LRRC74A: variants seen among roughly 807,000 people sequenced by gnomAD.
The protein encoded by LRRC74A is leucine rich repeat containing 74A, also known as leucine-rich repeat-containing protein 74A.
LRRC74A carries 44 observed loss-of-function variants against 57.9 expected under a neutral mutation model. The ratio of observed to expected loss-of-function variants is 0.76; its 90% CI spans 0.60 to 0.98. The LOEUF is 0.98. Ranked by LOEUF, LRRC74A falls within the 50% of genes least tolerant of loss-of-function variation. The pLI, the probability that LRRC74A is intolerant of heterozygous loss-of-function variation, is 0.00. For synonymous variants in LRRC74A, 211 were observed against 219.4 expected, an observed-to-expected ratio of 0.96 and a Z score of 0.34; for missense variants, 572 against 574.0, an observed-to-expected ratio of 1.00 and a Z score of 0.04.
chr14:76,829,242 G>A, intron 2 of LRRC74A: 1 of 1,244,744 alleles, frequency 8.0e-7, no homozygotes, highest in East Asian at 5.6e-5. Flanking sequence ...CTGGTGGGCA[G>A]TGATTCACAG....
chr14:76,863,594 T>C (rs1898502667), intron 11 of LRRC74A, among the ~76,000 whole-genome samples: 1 of 152,218 alleles, frequency 6.6e-6, no homozygotes, highest in Non-Finnish European at 1.5e-5. Context: ...GCCCTTGGCT[T>C]CACCCTTGCA....
chr14:76,844,065 C>G (rs1383924774), intron 5 of LRRC74A, among the ~76,000 whole-genome samples: 2 of 152,208 alleles, frequency 1.3e-5, no homozygotes, highest in Admixed American at 6.5e-5. Flanking sequence ...GTGGCACCAA[C>G]ATGGCACACT....
At position 76,853,425 on chromosome 14, in the gene LRRC74A, G is replaced by C; in HGVS notation, c.957+15G>C. 1 of 1,553,822 alleles carries C rather than the reference G, an allele frequency of 6.4e-7. No homozygotes were observed. ...GAGTTCTGAAGGTAGTCTTCAGCTG[G>C]AAAGGGTGTGTGTGTGTGTGTGTGT... On this transcript the variant is annotated intron_variant, in intron 9 of 13. Transcript: ENST00000689127.
chr14:76,870,228 G>A lies in LRRC74A; in HGVS notation c.*79G>A, dbSNP rs1314416866. On this transcript the variant is annotated 3_prime_UTR_variant, in exon 14 of 14. Coordinates refer to ENST00000689127, the MANE Select transcript of LRRC74A (RefSeq NM_001385106.1). ...ATGGTGGCAGGGAGGAGAGCAAGAG[G>A]TGGCTGAAATCTCGATGGACAGATG... 1 of 1,479,964 alleles carries A rather than the reference G, an allele frequency of 6.8e-7. No homozygotes were observed. The highest frequency in any genetic ancestry group is 9.3e-7 in the Non-Finnish European group (1 of 1,076,872). 91.7% of individuals were successfully genotyped at this position (1,479,964 alleles called of 1,614,324 possible). A position where few individuals can be genotyped will look rare whatever the true frequency, so the allele number is the denominator to read the frequency against.
intron 7 of LRRC74A, among the ~76,000 whole-genome samples, chr14:76,845,130 C>T (rs12897081): frequency 0.09 from 13,731 of 152,156 alleles, 703 homozygotes; most frequent in African/African-American, 0.11. Flanking sequence ...TCAAGATCAC[C>T]CTGGGCAACA....
At chr14:76,838,617 T>C (rs909469127) in intron 5 of LRRC74A, among the ~76,000 whole-genome samples, 2 of 152,206 alleles carry the variant, frequency 1.3e-5, no homozygotes. Flanking sequence ...CCTGAATTGA[T>C]AAATGTGCAG....
At position 76,867,341 on chromosome 14, in the gene LRRC74A, C is replaced by T. The variant is rs1237436098; in HGVS notation, c.1309-15C>T. 2 of 1,405,660 alleles carry T rather than the reference C, an allele frequency of 1.4e-6. No individual in the cohort carries two copies. Among genetic ancestry groups the T allele is most frequent in the Admixed American group, 1.7e-5 (1 of 58,972 alleles). 87.1% of individuals were successfully genotyped at this position (1,405,660 alleles called of 1,614,324 possible). ...AGAGTTCTATTAACTGCACATGTTC[C>T]ATCCACCTCCTCAGCAAAACAAGGT... On this transcript the variant is annotated splice_polypyrimidine_tract_variant and intron_variant, in intron 12 of 13. Transcript: ENST00000689127.
intron 2 of LRRC74A, among the ~76,000 whole-genome samples, chr14:76,829,394 C>A (rs1332001023): frequency 6.6e-6 from 1 of 152,218 alleles, no homozygotes; most frequent in Non-Finnish European, 1.5e-5. Context: ...CCCCGCTGAC[C>A]CCCAGGCAGC....
intron 11 of LRRC74A, among the ~76,000 whole-genome samples, chr14:76,861,593 T>G (rs1423309373): frequency 6.6e-6 from 1 of 152,202 alleles, no homozygotes; most frequent in East Asian, 1.9e-4. Context: ...TGCCCCCAAC[T>G]CATCTTTTCT....
chr14:76,867,219 T>TTGGGGGG (rs1898978679), intron 12 of LRRC74A, 137 bp from the exon 13 acceptor site: 1 of 308,144 alleles, frequency 3.2e-6, no homozygotes, highest in Non-Finnish European at 5.9e-6. Context: ...GGTGTGTGTG[T>TTGGGGGG]GTGTGGTAGT....
chr14:76,865,794 G>T (rs552537374), intron 11 of LRRC74A, among the ~76,000 whole-genome samples, 174 bp from the exon 12 acceptor site: 1 of 152,226 alleles, frequency 6.6e-6, no homozygotes, highest in Non-Finnish European at 1.5e-5. Flanking sequence ...TCGGCTCTTG[G>T]TCTTAGGGGA....
At chr14:76,858,284 C>CT (rs761630930) in intron 10 of LRRC74A, among the ~76,000 whole-genome samples, 71 of 152,178 alleles carry the variant, frequency 4.7e-4, no homozygotes, top group Non-Finnish European at 8.1e-4. Flanking sequence ...TTCCTGACCT[C>CT]TCCCCTGGCT....
chr14:76,826,625 A>C lies in LRRC74A; in HGVS notation c.-73A>C. Reference sequence around the variant, plus strand: ...GAGTTTGAGACAGAGGTGAATGGACAGGTGTGCTTCTTAGGGAAGCAGTCG... The same window carrying C: ...GAGTTTGAGACAGAGGTGAATGGACCGGTGTGCTTCTTAGGGAAGCAGTCG... On this transcript the variant is annotated 5_prime_UTR_variant, in exon 1 of 14. Coordinates refer to ENST00000689127, the MANE Select transcript of LRRC74A (RefSeq NM_001385106.1). The C allele has an allele frequency of 6.2e-7, 1 of 1,611,310 alleles. No homozygotes were observed. The highest frequency in any genetic ancestry group is 8.5e-7 in the Non-Finnish European group (1 of 1,178,754).
chr14:76,852,571 C>A, intron 8 of LRRC74A, 121 bp downstream of exon 8: 15 of 562,250 alleles, frequency 2.7e-5, no homozygotes, highest in Admixed American at 7.3e-5. Flanking sequence ...GGGCTCTCAT[C>A]AAATACTTTT....
At chr14:76,867,168 T>G (rs1898959897) in intron 12 of LRRC74A, among the ~76,000 whole-genome samples, 188 bp from the exon 13 acceptor site, 2 of 9,172 alleles carry the variant, frequency 2.2e-4, no homozygotes, top group African/African-American at 4.0e-4. Context: ...GGGTGGGGTG[T>G]GTGGTAGTGT....
intron 3 of LRRC74A, among the ~76,000 whole-genome samples, chr14:76,834,762 G>C (rs1430257198): frequency 6.6e-6 from 1 of 152,168 alleles, no homozygotes; most frequent in Non-Finnish European, 1.5e-5. Flanking sequence ...GTATGAATCT[G>C]GCAGTGGTGA....
In LRRC74A at chr14:76,862,829, A is replaced by G. The variant is rs547786662; in HGVS notation, c.1200+1990A>G. Among the ~76,000 whole-genome samples the G allele has an allele frequency of 2.3e-4, 35 of 152,294 alleles. No individual in the cohort carries two copies. The South Asian group carries it at 7.0e-3, about 31-fold the overall frequency. On this transcript the variant is annotated intron_variant, in intron 11 of 13. Transcript: ENST00000689127. ...GACTCCAGGTTCATAGAGGAGCCCA[A>G]GAGGCAAAGCTGGCAAGGGAGGCTG...
At chr14:76,830,787 A>C (rs746979517) in intron 2 of LRRC74A, among the ~76,000 whole-genome samples, 10 of 152,314 alleles carry the variant, frequency 6.6e-5, no homozygotes, top group Non-Finnish European at 4.4e-5. Context: ...ACTAAAAGTG[A>C]AATGAAGATT....
chr14:76,866,767 T>C (rs1898835760), intron 12 of LRRC74A, among the ~76,000 whole-genome samples: 1 of 151,830 alleles, frequency 6.6e-6, no homozygotes, highest in Admixed American at 6.6e-5. Flanking sequence ...TCCTGCCTTA[T>C]TGCCCCCAAA....
Sources: gnomAD v4.1 joint callset for allele counts (sites outside exome capture counted in the v4.1 genomes callset) on GRCh38, gnomAD v4.1.1 for gene constraint, MANE v1.5 for transcripts, NCBI Gene and HGNC (gene_info 2026-07-23, HGNC 2026-07-21) for gene names.